The following RASAL2 variants were observed in gnomAD, a reference collection of about 807,000 sequenced individuals.
The protein encoded by RASAL2 is ras GTPase-activating protein nGAP.
In RASAL2, 58 loss-of-function variants were observed where a neutral mutation model predicts 128.9. That is an observed-to-expected ratio of 0.45 (90% confidence interval 0.36 to 0.56). The LOEUF (loss-of-function observed/expected upper bound fraction) is 0.56. Ranked by LOEUF, RASAL2 falls within the 20% of genes least tolerant of loss-of-function variation. RASAL2 has a pLI of 0.00. For synonymous variants in RASAL2, 561 were observed against 580.8 expected, an observed-to-expected ratio of 0.97 and a Z score of 0.49; for missense variants, 1,360 against 1,601.6, an observed-to-expected ratio of 0.85 and a Z score of 2.57.
chr1:178,134,457 CAAAAAAAA>C (rs59410623), intron 1 of RASAL2, among the ~76,000 whole-genome samples: 2 of 111,510 alleles, frequency 1.8e-5, no homozygotes. Flanking sequence ...GACCCTATCT[CAAAAAAAA>C]AAAAAAAAAA....
chr1:178,254,095 A>G (rs576755108), intron 1 of RASAL2, among the ~76,000 whole-genome samples: 86 of 152,282 alleles, frequency 5.6e-4, no homozygotes, highest in Admixed American at 1.6e-3. Flanking sequence ...TTCTGCTCCA[A>G]TGACTGGCCT....
intron 1 of RASAL2, among the ~76,000 whole-genome samples, chr1:178,210,148 T>C (rs977744825): frequency 6.6e-6 from 1 of 152,166 alleles, no homozygotes; most frequent in Non-Finnish European, 1.5e-5. Flanking sequence ...CTGACCTTAT[T>C]CTCTCTTTAG....
intron 1 of RASAL2, among the ~76,000 whole-genome samples, chr1:178,265,012 C>T (rs1419220880): frequency 6.6e-6 from 1 of 152,178 alleles, no homozygotes; most frequent in Non-Finnish European, 1.5e-5. Flanking sequence ...CAACTGATTA[C>T]TCTAGAAATT....
intron 3 of RASAL2, among the ~76,000 whole-genome samples, chr1:178,331,819 C>T (rs1486633449): frequency 6.6e-6 from 1 of 151,990 alleles, no homozygotes; most frequent in Non-Finnish European, 1.5e-5. Flanking sequence ...AAACTCCTGA[C>T]CTCATGATCC....
chr1:178,415,602 G>T (rs55658135), intron 4 of RASAL2, among the ~76,000 whole-genome samples: 5,818 of 152,000 alleles, frequency 0.038, 365 homozygotes, highest in African/African-American at 0.13. Context: ...TGGTGTTTTG[G>T]AGTTCAACTA....
chr1:178,283,756 T>G, intron 2 of RASAL2, 65 bp downstream of exon 2: 1 of 1,581,660 alleles, frequency 6.3e-7, no homozygotes, highest in Non-Finnish European at 8.6e-7. Context: ...AATTACCTAG[T>G]TTTTGTTTGC....
At chr1:178,320,059 G>A (rs1248861443) in intron 3 of RASAL2, among the ~76,000 whole-genome samples, 1 of 151,928 alleles carries the variant, frequency 6.6e-6, no homozygotes, top group African/African-American at 2.4e-5. Flanking sequence ...TGCCATGTGA[G>A]GTGTCAGTGT....
At chr1:178,142,323 G>A (rs1038030793) in intron 1 of RASAL2, among the ~76,000 whole-genome samples, 4 of 152,076 alleles carry the variant, frequency 2.6e-5, no homozygotes, top group South Asian at 2.1e-4. Context: ...TTAGAGGGAA[G>A]GGACTTGACT....
intron 1 of RASAL2, among the ~76,000 whole-genome samples, chr1:178,251,873 A>G (rs1470173441): frequency 6.6e-6 from 1 of 152,228 alleles, no homozygotes; most frequent in African/African-American, 2.4e-5. Context: ...AGTGCTTGAA[A>G]TAGAATGTTA....
At chr1:178,238,137 T>C (rs1293317098) in intron 1 of RASAL2, among the ~76,000 whole-genome samples, 1 of 152,214 alleles carries the variant, frequency 6.6e-6, no homozygotes, top group Non-Finnish European at 1.5e-5. Context: ...ACTGTCTCTA[T>C]AGATTTGCTT....
chr1:178,390,321 T>C (rs984874136), intron 4 of RASAL2, 115 bp downstream of exon 4: 2 of 704,664 alleles, frequency 2.8e-6, no homozygotes, highest in Admixed American at 6.2e-5. Flanking sequence ...AATTTCTTTA[T>C]AATTCTGTGA....
intron 2 of RASAL2, among the ~76,000 whole-genome samples, chr1:178,288,187 C>G (rs946739709): frequency 6.6e-6 from 1 of 152,126 alleles, no homozygotes; most frequent in Non-Finnish European, 1.5e-5. Flanking sequence ...GGTTTCTGTA[C>G]TATTTTGTTT....
intron 3 of RASAL2, among the ~76,000 whole-genome samples, chr1:178,362,221 T>C (rs1237639265): frequency 6.6e-6 from 1 of 152,176 alleles, no homozygotes; most frequent in African/African-American, 2.4e-5. Flanking sequence ...CATGGAAGGT[T>C]ATGCATAGGT....
intron 1 of RASAL2, among the ~76,000 whole-genome samples, chr1:178,099,537 C>G (rs1164997150): frequency 1.3e-5 from 2 of 152,338 alleles, no homozygotes; most frequent in South Asian, 4.1e-4. Context: ...GTTCTACCCT[C>G]TATCATGTTG....
At chr1:178,449,625 C>T (rs554578440) in intron 9 of RASAL2, among the ~76,000 whole-genome samples, 1 of 152,048 alleles carries the variant, frequency 6.6e-6, no homozygotes, top group African/African-American at 2.4e-5. Context: ...GGTAATTAAG[C>T]ACCTTCTAGT....
intron 1 of RASAL2, among the ~76,000 whole-genome samples, chr1:178,205,021 G>A (rs1404741147): frequency 1.3e-5 from 2 of 152,130 alleles, no homozygotes; most frequent in Non-Finnish European, 2.9e-5. Context: ...TTCATAAACT[G>A]TGAGACAGAG....
intron 2 of RASAL2, among the ~76,000 whole-genome samples, chr1:178,295,699 T>A (rs1210997182): frequency 3.9e-5 from 6 of 152,286 alleles, no homozygotes; most frequent in African/African-American, 1.2e-4. Flanking sequence ...GGGTGGGGAC[T>A]GAGAATGTGG....
chr1:178,166,832 C>T (rs938780662), intron 1 of RASAL2, among the ~76,000 whole-genome samples: 2 of 151,924 alleles, frequency 1.3e-5, no homozygotes, highest in Admixed American at 6.6e-5. Flanking sequence ...GTTGTAGGTG[C>T]CTAATGTGAT....
chr1:178,386,257 T>TAA (rs1672559870), intron 3 of RASAL2, among the ~76,000 whole-genome samples: 1 of 152,232 alleles, frequency 6.6e-6, no homozygotes, highest in Non-Finnish European at 1.5e-5. Context: ...GATAGTACTC[T>TAA]ATTTTGGATT....
Sources: allele counts gnomAD v4.1 joint callset (sites outside exome capture counted in the v4.1 genomes callset), GRCh38; gene constraint gnomAD v4.1.1; transcripts MANE v1.5; gene names NCBI Gene and HGNC (gene_info 2026-07-23, HGNC 2026-07-21).